CUX2: variants seen among roughly 807,000 people sequenced by gnomAD.
CUX2 encodes the protein homeobox protein cut-like 2.
Under a neutral mutation model 144.8 loss-of-function variants are expected in CUX2, and 40 were observed. That is an observed-to-expected ratio of 0.28 (90% confidence interval 0.21 to 0.36). The LOEUF (loss-of-function observed/expected upper bound fraction) is 0.36. Among genes scored for constraint, CUX2 ranks in the 10% least tolerant of loss-of-function variants. CUX2 has a pLI of 1.00. For synonymous variants in CUX2, 827 were observed against 875.6 expected (o/e 0.94, Z 0.98); for missense variants, 1,615 against 1,994.0 (o/e 0.81, Z 3.62).
chr12:111,181,483 G>T (rs1216335732), intron 1 of CUX2, among the ~76,000 whole-genome samples: 1 of 152,232 alleles, frequency 6.6e-6, no homozygotes, highest in Non-Finnish European at 1.5e-5. Flanking sequence ...CGTCTGAGAA[G>T]CTGCACTAAT....
intron 4 of CUX2, among the ~76,000 whole-genome samples, chr12:111,276,614 G>A (rs748903390): frequency 1.3e-5 from 2 of 151,854 alleles, no homozygotes; most frequent in African/African-American, 2.4e-5. Flanking sequence ...GATAGCTCAC[G>A]TAGTTGTTTC....
At position 111,059,894 on chromosome 12, in the gene CUX2, C is replaced by T. The variant is rs975836594; in HGVS notation, c.63+25654C>T. 6.6e-6 allele frequency among the ~76,000 whole-genome samples: 1 copy of T among 152,014 alleles called. No individual in the cohort carries two copies. Among genetic ancestry groups the T allele is most frequent in the Non-Finnish European group, 1.5e-5 (1 of 68,016 alleles). On this transcript the variant is annotated intron_variant, in intron 1 of 21. Coordinates refer to ENST00000261726, the MANE Select transcript of CUX2 (RefSeq NM_015267.4). This position sits in a 1 kb window ranked among gnomAD's most constrained non-coding sequence, Gnocchi z 5.3. ...ACTTCTGGGGAAGCCCCCTTCCCTG[C>T]CCCCGACCTTGGGATCCTGACTCAC...
At chr12:111,056,589 C>A (rs79634342) in intron 1 of CUX2, among the ~76,000 whole-genome samples, 6,020 of 152,260 alleles carry the variant, frequency 0.04, 412 homozygotes, top group African/African-American at 0.14. Flanking sequence ...GGTGGAAGTG[C>A]AGGTGTTTTC....
At chr12:111,036,732 A>T (rs1009476151) in intron 1 of CUX2, among the ~76,000 whole-genome samples, 1 of 151,072 alleles carries the variant, frequency 6.6e-6, no homozygotes, top group African/African-American at 2.4e-5. Context: ...TATTAAGTGG[A>T]GGGGGTGTCC....
chr12:111,292,898 A>G (rs1024011384), intron 5 of CUX2, among the ~76,000 whole-genome samples: 13 of 152,252 alleles, frequency 8.5e-5, no homozygotes, highest in Middle Eastern at 3.4e-3. Context: ...CAAGGCGGGC[A>G]GATCACTTGA....
chr12:111,296,436 G>T, intron 7 of CUX2, 37 bp from the exon 8 acceptor site: 1 of 1,575,216 alleles, frequency 6.3e-7, no homozygotes, highest in East Asian at 2.3e-5. Context: ...CTTCCCACTC[G>T]GAGGTGGGGC....
intron 3 of CUX2, among the ~76,000 whole-genome samples, chr12:111,228,426 G>A (rs1882291679): frequency 6.6e-6 from 1 of 152,068 alleles, no homozygotes; most frequent in Non-Finnish European, 1.5e-5. Flanking sequence ...GTGTGTGTGT[G>A]TGTGTATAAT....
At chr12:111,175,897 G>A (rs1227832703) in intron 1 of CUX2, among the ~76,000 whole-genome samples, 2 of 151,940 alleles carry the variant, frequency 1.3e-5, no homozygotes, top group African/African-American at 4.8e-5. Context: ...GTTGAACTTA[G>A]GTCTTGAATG....
chr12:111,338,561 G>A, intron 20 of CUX2, 87 bp downstream of exon 20: 2 of 1,299,464 alleles, frequency 1.5e-6, no homozygotes, highest in South Asian at 1.5e-5. Context: ...ATAAACCCAG[G>A]GCTCCCATGG....
chr12:111,228,997 T>A (rs1246610927), intron 3 of CUX2, among the ~76,000 whole-genome samples: 1 of 152,096 alleles, frequency 6.6e-6, no homozygotes, highest in Admixed American at 6.5e-5. Context: ...GCACTTCATC[T>A]TATAGGTGAA....
At chr12:111,154,932 C>A (rs927463680) in intron 1 of CUX2, among the ~76,000 whole-genome samples, 2 of 152,114 alleles carry the variant, frequency 1.3e-5, no homozygotes, top group Admixed American at 6.5e-5. Context: ...TGTAGCACAG[C>A]GGTTGTGAGT....
intron 3 of CUX2, among the ~76,000 whole-genome samples, chr12:111,260,231 G>A (rs1468009506): frequency 1.3e-5 from 2 of 151,924 alleles, no homozygotes; most frequent in African/African-American, 2.4e-5. Context: ...TTGGGAGGCC[G>A]AGGCGGGCAG....
intron 1 of CUX2, among the ~76,000 whole-genome samples, chr12:111,079,300 G>T (rs1271102123): frequency 6.6e-6 from 1 of 152,242 alleles, no homozygotes; most frequent in Non-Finnish European, 1.5e-5. Context: ...GGTAGCCTCT[G>T]AGTTTATGCT....
chr12:111,060,635 G>A (rs1399532168), intron 1 of CUX2, among the ~76,000 whole-genome samples: 1 of 152,246 alleles, frequency 6.6e-6, no homozygotes, highest in African/African-American at 2.4e-5. Flanking sequence ...TCTCACTCCT[G>A]AACTTGCTGG....
rs201668540 is a variant in CUX2, at chr12:111,338,252, C to T, written c.3197-34C>T. The T allele has an allele frequency of 1.1e-4, 170 of 1,566,412 alleles. 1 individual carries two copies. In the Middle Eastern group the frequency reaches 1.1e-3, roughly 11 times the overall value. ...GGGAGTAGGCTTCTCTGCCCAGCCT[C>T]GGGTAACAGATTGCTCCCCTCCCCT... On this transcript the variant is annotated intron_variant, in intron 19 of 21. Transcript: ENST00000261726.
intron 1 of CUX2, among the ~76,000 whole-genome samples, chr12:111,050,527 G>A (rs1025296109): frequency 6.6e-6 from 1 of 152,116 alleles, no homozygotes; most frequent in Non-Finnish European, 1.5e-5. Context: ...CCATTGTAGG[G>A]TCTTCATCTT....
chr12:111,137,707 G>C (rs1028486207), intron 1 of CUX2, among the ~76,000 whole-genome samples: 5 of 151,926 alleles, frequency 3.3e-5, no homozygotes, highest in African/African-American at 9.7e-5. Context: ...TAGAGATTGG[G>C]TCTCACTATG....
intron 21 of CUX2, among the ~76,000 whole-genome samples, chr12:111,345,778 C>T (rs1441880858): frequency 6.8e-6 from 1 of 147,822 alleles, no homozygotes; most frequent in African/African-American, 2.5e-5. Flanking sequence ...AAAAAAAAGG[C>T]AGAAAATGCA....
chr12:111,294,195 C>T (rs1429282987), intron 6 of CUX2, among the ~76,000 whole-genome samples: 2 of 152,166 alleles, frequency 1.3e-5, no homozygotes, highest in Non-Finnish European at 2.9e-5. Context: ...GCAACCTCCA[C>T]GTTCCGGGTT....
Sources: allele counts gnomAD v4.1 joint callset (sites outside exome capture counted in the v4.1 genomes callset), GRCh38; gene constraint gnomAD v4.1.1; non-coding constraint Gnocchi (gnomAD v3.1); transcripts MANE v1.5; gene names NCBI Gene and HGNC (gene_info 2026-07-23, HGNC 2026-07-21).